The following ADAMTS20 variants were observed in gnomAD, a reference collection of about 807,000 sequenced individuals.
The protein encoded by ADAMTS20 is ADAM metallopeptidase with thrombospondin type 1 motif 20.
Under a neutral mutation model 260.1 loss-of-function variants are expected in ADAMTS20, and 225 were observed. The ratio of observed to expected loss-of-function variants is 0.87; its 90% CI spans 0.78 to 0.97. ADAMTS20 has a LOEUF of 0.97. Among genes scored for constraint, ADAMTS20 ranks in the 50% least tolerant of loss-of-function variants. The pLI, the probability that ADAMTS20 is intolerant of heterozygous loss-of-function variation, is 0.00. For missense variants in ADAMTS20, 2,400 were observed against 2,337.7 expected, an observed-to-expected ratio of 1.03 and a Z score of -0.55; for synonymous variants, 802 against 769.5, an observed-to-expected ratio of 1.04 and a Z score of -0.70.
At chr12:43,356,127 A>G (rs2137176883) in intron 38 of ADAMTS20, among the ~76,000 whole-genome samples, 1 of 152,334 alleles carries the variant, frequency 6.6e-6, no homozygotes, top group East Asian at 1.9e-4. Context: ...ACCTTCAGTA[A>G]TTAAAGTATA....
In ADAMTS20 at chr12:43,502,273, G is replaced by C. The variant is rs1269329680; in HGVS notation, c.746C>G (p.Ser249Cys). 1 of 1,611,328 alleles carries C rather than the reference G, an allele frequency of 6.2e-7. No homozygotes were observed. Among genetic ancestry groups the C allele is most frequent in the Non-Finnish European group, 8.5e-7 (1 of 1,179,062 alleles). ...NVPLKDERRH[S>C]RKKRLISYPR... The stretch of plus-strand genomic sequence containing the variant: ...ATATGATATAAGACGTTTTTTCCTG[G>C]AATGTCTTCTTTCATCTTTCAATGG... The change falls in exon 4 of 39, where the codon TCC becomes TGC. Residue 249 changes from serine (S) to cysteine (C), a missense_variant. Coordinates refer to ENST00000389420, the MANE Select transcript of ADAMTS20 (RefSeq NM_025003.5).
chr12:43,399,685 G>A lies in ADAMTS20; in HGVS notation c.4285-452C>T, dbSNP rs1250450869. 2.0e-5 allele frequency among the ~76,000 whole-genome samples: 3 copies of A among 152,080 alleles called. No individual in the cohort carries two copies. The East Asian group carries it at 5.8e-4, about 29-fold the overall frequency. On this transcript the variant is annotated intron_variant, in intron 28 of 38. Transcript: ENST00000389420. ...TAAAAAATTTTAGTAATCTCTCAGT[G>A]CAGAAAACTGATTGAGAAAGCAGAA...
At chr12:43,379,612 A>G (rs1940305895) in intron 31 of ADAMTS20, among the ~76,000 whole-genome samples, 1 of 152,170 alleles carries the variant, frequency 6.6e-6, no homozygotes, top group South Asian at 2.1e-4. Flanking sequence ...AACCAAAATT[A>G]TTGGTTCCAG....
chr12:43,414,391 T>C (rs1941090774), intron 28 of ADAMTS20, among the ~76,000 whole-genome samples: 1 of 152,142 alleles, frequency 6.6e-6, no homozygotes, highest in Non-Finnish European at 1.5e-5. Flanking sequence ...TCAGTAGCTA[T>C]TCCTGGGATT....
At chr12:43,388,463 C>T (rs946228070) in intron 29 of ADAMTS20, among the ~76,000 whole-genome samples, 2 of 152,270 alleles carry the variant, frequency 1.3e-5, no homozygotes, top group East Asian at 3.9e-4. Flanking sequence ...AGGAACTGTT[C>T]CTATTTGGCC....
chr12:43,405,279 A>T (rs1176898962), intron 28 of ADAMTS20, among the ~76,000 whole-genome samples: 2 of 136,638 alleles, frequency 1.5e-5, no homozygotes, highest in African/African-American at 5.3e-5. Flanking sequence ...AGGCATGGTG[A>T]TGGTGATGCA....
rs11182083 is a variant in ADAMTS20, at chr12:43,452,262, T to C, written c.2079+12A>G. 6 of 1,582,006 alleles carry C rather than the reference T, an allele frequency of 3.8e-6. No individual in the cohort carries two copies. In the East Asian group the frequency reaches 6.7e-5, roughly 18 times the overall value. On this transcript the variant is annotated intron_variant, in intron 14 of 38. Transcript: ENST00000389420. ...TCACTTTAAATCTAATAGAAACTTATAGTTTACTTACCATACACTGGCCTT... is the reference window on the plus strand; with the variant it reads ...TCACTTTAAATCTAATAGAAACTTACAGTTTACTTACCATACACTGGCCTT...
chr12:43,551,789 C>A lies in ADAMTS20; in HGVS notation c.91+42G>T, dbSNP rs752083438. Reference sequence around the variant, plus strand: ...ACCTGCATGTCCCACTCGGGCCCCGCGCCCCCACTTAGCCGCTGAAGGCGT... The same window carrying A: ...ACCTGCATGTCCCACTCGGGCCCCGAGCCCCCACTTAGCCGCTGAAGGCGT... On this transcript the variant is annotated intron_variant, in intron 1 of 38. Transcript: ENST00000389420. The surrounding 1 kb of genome is among the most constrained non-coding windows in gnomAD (Gnocchi z 4.6). 1 of 1,600,144 alleles carries A rather than the reference C, an allele frequency of 6.2e-7. No homozygotes were observed. The highest frequency in any genetic ancestry group is 1.7e-5 in the Admixed American group (1 of 59,990).
At position 43,376,505 on chromosome 12, in the gene ADAMTS20, T is replaced by C; in HGVS notation, c.5125+19A>G. ...ATTAGAAACCCTTAGGTATTAGATT[T>C]TTGAAGTCTACTACTTACAGTCATT... On this transcript the variant is annotated intron_variant, in intron 33 of 38. Transcript: ENST00000389420. 1 of 1,597,792 alleles carries C rather than the reference T, an allele frequency of 6.3e-7. No individual in the cohort carries two copies. Among genetic ancestry groups the C allele is most frequent in the Non-Finnish European group, 8.5e-7 (1 of 1,175,326 alleles).
At chr12:43,458,225 T>C (rs1486748999) in intron 11 of ADAMTS20, among the ~76,000 whole-genome samples, 1 of 152,208 alleles carries the variant, frequency 6.6e-6, no homozygotes, top group Non-Finnish European at 1.5e-5. Flanking sequence ...AGACAGATGG[T>C]TGCATTCTTT....
intron 31 of ADAMTS20, among the ~76,000 whole-genome samples, chr12:43,380,735 A>C (rs565330504): frequency 6.6e-6 from 1 of 152,324 alleles, no homozygotes; most frequent in African/African-American, 2.4e-5. Context: ...ACTTGAAATA[A>C]GTTAAAACCT....
At chr12:43,357,466 A>G (rs889201732) in intron 37 of ADAMTS20, among the ~76,000 whole-genome samples, 1 of 152,208 alleles carries the variant, frequency 6.6e-6, no homozygotes, top group Admixed American at 6.5e-5. Context: ...AACTCTGTAT[A>G]TATAATGTGA....
intron 7 of ADAMTS20, among the ~76,000 whole-genome samples, chr12:43,485,880 C>T (rs771883269): frequency 4.6e-5 from 7 of 151,894 alleles, no homozygotes; most frequent in Non-Finnish European, 7.4e-5. Flanking sequence ...GGTGGAAAAT[C>T]GCAACAAGGA....
Position 43,532,071 on chromosome 12 carries a change from G to T in ADAMTS20, c.578C>A (p.Ser193Tyr), listed in dbSNP as rs896864581. The part of the protein sequence containing the change: ...HLIYRQDLNN[S>Y]FLQTLKYCSV... ...GCAATACTTCAGAGTCTGCAGAAAA[G>T]AGTTATTTAAGTCTTGTCTGTATAT... Residue 193 changes from serine (S) to tyrosine (Y), a missense_variant, in exon 3 of 39, where the codon TCT becomes TAT. Physicochemically the swap from Ser to Tyr is moderately radical, Grantham distance 144 (BLOSUM62 -2). Transcript: ENST00000389420. The T allele has an allele frequency of 6.8e-6, 11 of 1,606,086 alleles. No individual in the cohort carries two copies. The highest frequency in any genetic ancestry group is 9.4e-6 in the Non-Finnish European group (11 of 1,175,924).
chr12:43,527,913 T>C (rs1315921475), intron 3 of ADAMTS20, among the ~76,000 whole-genome samples: 1 of 152,078 alleles, frequency 6.6e-6, no homozygotes, highest in Admixed American at 6.6e-5. Context: ...TGTTTACCAA[T>C]GATATGATTG....
intron 14 of ADAMTS20, among the ~76,000 whole-genome samples, chr12:43,449,953 T>C (rs895882712): frequency 2.6e-5 from 4 of 152,264 alleles, no homozygotes; most frequent in South Asian, 2.1e-4. Flanking sequence ...TTGATTCCAA[T>C]ACCCACTGTC....
chr12:43,489,429 A>G (rs1942570428), intron 7 of ADAMTS20, among the ~76,000 whole-genome samples: 1 of 151,984 alleles, frequency 6.6e-6, no homozygotes, highest in African/African-American at 2.4e-5. Flanking sequence ...ACCACACCAC[A>G]AATATGGGCA....
At chr12:43,377,289 T>A (rs1940250167) in intron 32 of ADAMTS20, 76 bp downstream of exon 32, 60 of 1,354,250 alleles carry the variant, frequency 4.4e-5, no homozygotes, top group Non-Finnish European at 5.9e-5. Context: ...TAGTTAGACA[T>A]ACAAACAGAT....
At chr12:43,546,105 A>G (rs117832408) in intron 2 of ADAMTS20, among the ~76,000 whole-genome samples, 364 of 152,322 alleles carry the variant, frequency 2.4e-3, no homozygotes, top group South Asian at 5.2e-3. Flanking sequence ...AAAGTTTGGA[A>G]AATAATAAAA....
Sources: gnomAD v4.1 joint callset for allele counts (sites outside exome capture counted in the v4.1 genomes callset) on GRCh38, gnomAD v4.1.1 for gene constraint, Gnocchi (gnomAD v3.1) non-coding constraint, MANE v1.5 for transcripts, NCBI Gene and HGNC (gene_info 2026-07-23, HGNC 2026-07-21) for gene names.